Variants in LRP1B observed in about 807,000 individuals in gnomAD.
LRP1B encodes LDL receptor related protein 1B, also known as low-density lipoprotein receptor-related protein 1B.
A neutral mutation model predicts 556.6 loss-of-function variants in LRP1B; 217 were observed. That is an observed-to-expected ratio of 0.39 (90% CI 0.35 to 0.44). The LOEUF (loss-of-function observed/expected upper bound fraction) is 0.44, where lower values mean the gene tolerates loss of function less well. Among genes scored for constraint, LRP1B ranks in the 20% least tolerant of loss-of-function variants. The probability of loss-of-function intolerance (pLI) is 1.00; values close to 1 mark genes in which losing one functional copy is unlikely to be tolerated. For synonymous variants in LRP1B, 2,047 were observed against 1,865.8 expected, an observed-to-expected ratio of 1.10 and a Z score of -2.50; for missense variants, 5,053 against 5,620.8, an observed-to-expected ratio of 0.90 and a Z score of 3.23.
intron 3 of LRP1B, among the ~76,000 whole-genome samples, chr2:141,445,788 T>G (rs1223334282): frequency 6.6e-6 from 1 of 151,648 alleles, no homozygotes; most frequent in Non-Finnish European, 1.5e-5. Flanking sequence ...TCTGAGAGAC[T>G]GTTATAATTT....
At chr2:140,894,458 T>G (rs1262336188) in intron 23 of LRP1B, among the ~76,000 whole-genome samples, 2 of 151,778 alleles carry the variant, frequency 1.3e-5, no homozygotes, top group South Asian at 4.2e-4. Context: ...GAAAAAAAAT[T>G]AAGACATGGA....
chr2:141,128,300 A>C (rs960109694), intron 7 of LRP1B, among the ~76,000 whole-genome samples: 3 of 152,260 alleles, frequency 2.0e-5, no homozygotes, highest in Non-Finnish European at 4.4e-5. Flanking sequence ...ACAAAACAAC[A>C]ACAACAAAAG....
intron 2 of LRP1B, among the ~76,000 whole-genome samples, chr2:141,757,889 A>ATAAGTCAATTT (rs1553460028): frequency 6.6e-6 from 1 of 151,498 alleles, no homozygotes; most frequent in Admixed American, 6.6e-5. Context: ...CCCATAGCTT[A>ATAAGTCAATTT]TTAATTCAGC....
At chr2:142,115,499 A>G (rs1486126945) in intron 1 of LRP1B, among the ~76,000 whole-genome samples, 1 of 84,980 alleles carries the variant, frequency 1.2e-5, no homozygotes, top group Non-Finnish European at 2.3e-5. Flanking sequence ...AATTATATAT[A>G]ATATATATTA....
chr2:142,004,672 C>T (rs1365906826), intron 1 of LRP1B, among the ~76,000 whole-genome samples: 1 of 151,866 alleles, frequency 6.6e-6, no homozygotes, highest in Non-Finnish European at 1.5e-5. Context: ...ATGCCAAAAC[C>T]CCGTCTTTAC....
chr2:140,750,814 T>C (rs951630961), intron 35 of LRP1B, among the ~76,000 whole-genome samples: 5 of 152,070 alleles, frequency 3.3e-5, no homozygotes, highest in African/African-American at 1.2e-4. Context: ...TGACCAAATA[T>C]GCAAAGAACT....
intron 3 of LRP1B, among the ~76,000 whole-genome samples, chr2:141,356,067 T>C (rs60071304): frequency 0.044 from 6,762 of 152,260 alleles, 236 homozygotes; most frequent in African/African-American, 0.082. Flanking sequence ...AACCTGAGTA[T>C]TGCTCATTAG....
intron 32 of LRP1B, among the ~76,000 whole-genome samples, 165 bp from the exon 33 acceptor site, chr2:140,776,403 T>C (rs1383444115): frequency 6.7e-6 from 1 of 150,246 alleles, no homozygotes; most frequent in African/African-American, 2.4e-5. Context: ...ATGCAGCTCG[T>C]AGTGACATTT....
At chr2:140,429,184 A>G (rs1685801581) in intron 66 of LRP1B, among the ~76,000 whole-genome samples, 1 of 152,316 alleles carries the variant, frequency 6.6e-6, no homozygotes, top group African/African-American at 2.4e-5. Flanking sequence ...CGCCTGCTAC[A>G]GCATGGCCTT....
At chr2:142,063,485 C>A (rs1411712829) in intron 1 of LRP1B, among the ~76,000 whole-genome samples, 2 of 151,520 alleles carry the variant, frequency 1.3e-5, no homozygotes, top group Non-Finnish European at 3.0e-5. Context: ...AAAGAACAAA[C>A]AAAAGTTCTA....
At chr2:140,567,099 C>A (rs893157548) in intron 43 of LRP1B, among the ~76,000 whole-genome samples, 3 of 152,048 alleles carry the variant, frequency 2.0e-5, no homozygotes, top group African/African-American at 7.2e-5. Flanking sequence ...GCTGAGACAC[C>A]CTGCCCCATA....
chr2:141,086,618 T>TTGTG (rs10608029), intron 7 of LRP1B, among the ~76,000 whole-genome samples: 49 of 148,188 alleles, frequency 3.3e-4, no homozygotes, highest in African/African-American at 1.1e-3. Flanking sequence ...AGTATAATAT[T>TTGTG]TGTGTGTGTG....
intron 1 of LRP1B, among the ~76,000 whole-genome samples, chr2:141,970,921 T>C (rs1418173693): frequency 2.0e-5 from 3 of 151,636 alleles, no homozygotes; most frequent in East Asian, 3.9e-4. Context: ...TAGCTCTAGA[T>C]TTAGATGATG....
intron 7 of LRP1B, among the ~76,000 whole-genome samples, chr2:141,093,414 C>T (rs182416462): frequency 1.1e-4 from 17 of 152,058 alleles, no homozygotes; most frequent in East Asian, 3.9e-4. Flanking sequence ...AATAGTATAG[C>T]GTAGAAGGAA....
chr2:141,686,261 T>C (rs1324499197), intron 2 of LRP1B, among the ~76,000 whole-genome samples: 1 of 152,026 alleles, frequency 6.6e-6, no homozygotes, highest in Non-Finnish European at 1.5e-5. Flanking sequence ...CTTTCATTGA[T>C]AGCATAAATA....
intron 35 of LRP1B, among the ~76,000 whole-genome samples, chr2:140,753,072 T>C (rs288112): frequency 0.44 from 66,258 of 152,052 alleles, 15,000 homozygotes; most frequent in African/African-American, 0.55. Flanking sequence ...ACCATTGATC[T>C]TTTTACTGTC....
Position 141,463,582 on chromosome 2 carries a change from T to TATATGTAATATATATTATATAATATTA in LRP1B, c.343+16813_343+16814insTAATATTATATAATATATATTACATAT, listed in dbSNP as rs1405204222. Among the ~76,000 whole-genome samples, 3 of 78,344 alleles carry TATATGTAATATATATTATATAATATTA rather than the reference T, an allele frequency of 3.8e-5. No homozygotes were observed. The South Asian group carries it at 1.0e-3, about 27-fold the overall frequency. The allele number at this position is 78,344 out of a possible 152,430, so 51.4% of individuals were successfully genotyped here. On this transcript the variant is annotated intron_variant, in intron 3 of 90. Coordinates refer to ENST00000389484, the MANE Select transcript of LRP1B (RefSeq NM_018557.3). The stretch of plus-strand genomic sequence containing the variant: ...AATATATATTATATATTATATATAA[T>TATATGTAATATATATTATATAATATTA]TATATATAATATATATTATATATTA...
chr2:141,008,333 C>G (rs1697640942), intron 14 of LRP1B, among the ~76,000 whole-genome samples: 1 of 150,872 alleles, frequency 6.6e-6, no homozygotes, highest in African/African-American at 2.4e-5. Context: ...AGTAGGAATA[C>G]TGAATATGTG....
chr2:141,820,298 A>G (rs1367539679), intron 1 of LRP1B, among the ~76,000 whole-genome samples: 1 of 152,210 alleles, frequency 6.6e-6, no homozygotes, highest in Non-Finnish European at 1.5e-5. Flanking sequence ...AAAATGTACT[A>G]TCTTAAGTCT....
Sources: gnomAD v4.1 joint callset for allele counts (sites outside exome capture counted in the v4.1 genomes callset) on GRCh38, gnomAD v4.1.1 for gene constraint, MANE v1.5 for transcripts, NCBI Gene and HGNC (gene_info 2026-07-23, HGNC 2026-07-21) for gene names.